Variants in ST6GAL1 observed in about 807,000 individuals in gnomAD.
ST6GAL1 encodes beta-galactoside alpha-2,6-sialyltransferase 1.
ST6GAL1 carries 20 observed loss-of-function variants against 38.0 expected under a neutral mutation model. The ratio of observed to expected loss-of-function variants is 0.53; its 90% CI spans 0.37 to 0.77. ST6GAL1 has a LOEUF of 0.77. Ranked by LOEUF, ST6GAL1 falls within the 30% of genes least tolerant of loss-of-function variation. ST6GAL1 has a pLI of 0.00. For synonymous variants in ST6GAL1, 196 were observed against 188.2 expected (o/e 1.04, Z -0.34); for missense variants, 432 against 496.4 (o/e 0.87, Z 1.23).
intron 2 of ST6GAL1, among the ~76,000 whole-genome samples, chr3:187,034,738 A>C (rs35316168): frequency 6.6e-6 from 1 of 152,202 alleles, no homozygotes; most frequent in African/African-American, 2.4e-5. Context: ...GAAACTAGGC[A>C]TCAAAGGCAC....
At chr3:186,965,190 C>T (rs1715063712) in intron 2 of ST6GAL1, among the ~76,000 whole-genome samples, 2 of 152,152 alleles carry the variant, frequency 1.3e-5, no homozygotes, top group African/African-American at 4.8e-5. Context: ...ATCTGGGGCA[C>T]ATTTCCTTCC....
At chr3:187,011,508 A>C (rs182998744) in intron 2 of ST6GAL1, among the ~76,000 whole-genome samples, 7 of 152,276 alleles carry the variant, frequency 4.6e-5, no homozygotes, top group Non-Finnish European at 1.5e-5. Flanking sequence ...CCTGGGGTGC[A>C]ATGGTCATTC....
At chr3:186,980,541 C>G (rs1020942449) in intron 2 of ST6GAL1, among the ~76,000 whole-genome samples, 5 of 144,518 alleles carry the variant, frequency 3.5e-5, no homozygotes, top group African/African-American at 1.3e-4. Context: ...AGGTGGATCA[C>G]GAGATCAAGA....
intron 2 of ST6GAL1, among the ~76,000 whole-genome samples, chr3:187,029,088 T>TAAAAAAAAAAGAAAA (rs761856454): frequency 1.9e-5 from 2 of 105,978 alleles, no homozygotes; most frequent in Non-Finnish European, 1.8e-5. Context: ...ACCTTGTCTC[T>TAAAAAAAAAAGAAAA]AAAAAAAAAA....
chr3:186,941,960 C>T (rs933613487), intron 1 of ST6GAL1, among the ~76,000 whole-genome samples: 9 of 151,382 alleles, frequency 5.9e-5, no homozygotes, highest in Middle Eastern at 3.4e-3. Context: ...TGCAGTGAGC[C>T]GAGATCATGC....
intron 2 of ST6GAL1, among the ~76,000 whole-genome samples, chr3:187,022,439 G>T (rs1039405740): frequency 6.6e-6 from 1 of 152,170 alleles, no homozygotes; most frequent in African/African-American, 2.4e-5. Flanking sequence ...AACAGTAGCT[G>T]AGAGAGTCAA....
chr3:186,980,895 T>A (rs1715676901), intron 2 of ST6GAL1, among the ~76,000 whole-genome samples: 1 of 152,154 alleles, frequency 6.6e-6, no homozygotes, highest in Non-Finnish European at 1.5e-5. Context: ...CTGTCACTAG[T>A]GGTCAAGCAA....
intron 2 of ST6GAL1, among the ~76,000 whole-genome samples, chr3:186,966,384 G>A (rs1715117275): frequency 1.3e-5 from 2 of 152,194 alleles, no homozygotes; most frequent in Admixed American, 6.5e-5. Context: ...TGGAAATTGG[G>A]TCTCACAGAG....
chr3:187,044,515 C>A (rs1332950580), intron 4 of ST6GAL1, among the ~76,000 whole-genome samples: 1 of 152,220 alleles, frequency 6.6e-6, no homozygotes, highest in Non-Finnish European at 1.5e-5. Context: ...ACCTCAACTT[C>A]TGCTTTTGTA....
At chr3:186,978,694 G>T (rs1235363605) in intron 2 of ST6GAL1, among the ~76,000 whole-genome samples, 1 of 152,180 alleles carries the variant, frequency 6.6e-6, no homozygotes, top group Admixed American at 6.5e-5. Flanking sequence ...TTATTTGCTT[G>T]CTTAGAAAAC....
chr3:187,012,677 G>C (rs1433674234), intron 2 of ST6GAL1, among the ~76,000 whole-genome samples: 1 of 152,242 alleles, frequency 6.6e-6, no homozygotes, highest in Non-Finnish European at 1.5e-5. Context: ...ATCGGGCACA[G>C]AGCCATTTCT....
rs996345032 is a variant in ST6GAL1 at position 187,076,781 on chromosome 3, T to G, written c.*978T>G. 1 of 398,820 alleles carries G rather than the reference T, an allele frequency of 2.5e-6. No individual in the cohort carries two copies. The highest frequency in any genetic ancestry group is 2.1e-5 in the African/African-American group (1 of 48,632). 24.7% of individuals were successfully genotyped at this position (398,820 alleles called of 1,614,324 possible). A position where few individuals can be genotyped will look rare whatever the true frequency, so the allele number is the denominator to read the frequency against. Reference sequence around the variant, plus strand: ...ACCTGAACTTAGAGACTCAAGATATTTTTTTAGGAAACCTCCTACCCATGT... The same window carrying G: ...ACCTGAACTTAGAGACTCAAGATATGTTTTTAGGAAACCTCCTACCCATGT... On this transcript the variant is annotated 3_prime_UTR_variant, in exon 8 of 8. Coordinates refer to ENST00000169298, the MANE Select transcript of ST6GAL1 (RefSeq NM_173216.2).
chr3:186,961,893 A>C (rs574808820), intron 1 of ST6GAL1, among the ~76,000 whole-genome samples: 6 of 152,260 alleles, frequency 3.9e-5, no homozygotes, highest in Admixed American at 3.9e-4. Flanking sequence ...CCTCCACCCC[A>C]GGAGCACTTT....
intron 2 of ST6GAL1, among the ~76,000 whole-genome samples, chr3:187,016,842 G>A (rs1229014489): frequency 6.6e-6 from 1 of 152,206 alleles, no homozygotes; most frequent in Non-Finnish European, 1.5e-5. Flanking sequence ...CAGCCGTGTT[G>A]CTGCCTCTTC....
At chr3:186,993,560 A>T (rs67331576) in intron 2 of ST6GAL1, among the ~76,000 whole-genome samples, 244 of 7,956 alleles carry the variant, frequency 0.031, 6 homozygotes, top group South Asian at 0.1. Flanking sequence ...ACAGAGTTTT[A>T]TTTATTTATT....
At chr3:187,061,028 C>T (rs776439426) in intron 5 of ST6GAL1, among the ~76,000 whole-genome samples, 3 of 151,854 alleles carry the variant, frequency 2.0e-5, no homozygotes, top group Non-Finnish European at 4.4e-5. Context: ...TAGCAGGATC[C>T]GAAGTCAACA....
chr3:187,074,098 C>T lies in ST6GAL1; in HGVS notation c.805-61C>T, dbSNP rs944547829. On this transcript the variant is annotated intron_variant, in intron 6 of 7. Coordinates refer to ENST00000169298, the MANE Select transcript of ST6GAL1 (RefSeq NM_173216.2). Reference sequence around the variant, plus strand: ...CCATGTCCACTGATGAAGATGACTCCTGGGGGGAGCAGCTCACTGGCCCAT... The same window carrying T: ...CCATGTCCACTGATGAAGATGACTCTTGGGGGGAGCAGCTCACTGGCCCAT... 14 of 1,481,824 alleles carry T rather than the reference C, an allele frequency of 9.4e-6. No individual in the cohort carries two copies. In the African/African-American group the frequency reaches 1.8e-4, roughly 20 times the overall value. The allele number at this position is 1,481,824 out of a possible 1,614,324, so 91.8% of individuals were successfully genotyped here. A position where few individuals can be genotyped will look rare whatever the true frequency, so the allele number is the denominator to read the frequency against.
At chr3:186,947,126 GA>G (rs1208748179) in intron 1 of ST6GAL1, among the ~76,000 whole-genome samples, 1 of 152,144 alleles carries the variant, frequency 6.6e-6, no homozygotes, top group Non-Finnish European at 1.5e-5. Context: ...AAGCAAGGAT[GA>G]AGGAAAACAT....
intron 4 of ST6GAL1, among the ~76,000 whole-genome samples, chr3:187,046,479 T>G (rs1444485984): frequency 1.3e-5 from 2 of 152,068 alleles, no homozygotes; most frequent in Non-Finnish European, 2.9e-5. Context: ...ATGGTTATAA[T>G]CCAGGGAAGA....
Sources: gnomAD v4.1 joint callset for allele counts (sites outside exome capture counted in the v4.1 genomes callset) on GRCh38, gnomAD v4.1.1 for gene constraint, MANE v1.5 for transcripts, NCBI Gene and HGNC (gene_info 2026-07-23, HGNC 2026-07-21) for gene names.